KANK1: variants seen among roughly 807,000 people sequenced by gnomAD.
KANK1 encodes KN motif and ankyrin repeat domain-containing protein 1.
In KANK1, 109 loss-of-function variants were observed where a neutral mutation model predicts 106.2. The observed-to-expected ratio is 1.03, with a 90% CI of 0.88 to 1.20. The LOEUF is 1.20. Ranked by LOEUF, KANK1 falls within the 50% of genes most tolerant of loss-of-function variation. KANK1 has a pLI of 0.00. For synonymous variants in KANK1, 873 were observed against 652.2 expected (o/e 1.34, Z -5.16); for missense variants, 2,399 against 1,710.7 (o/e 1.40, Z -7.10).
At chr9:585,008 C>T (rs1253217880) in intron 1 of KANK1, among the ~76,000 whole-genome samples, 1 of 152,084 alleles carries the variant, frequency 6.6e-6, no homozygotes, top group Non-Finnish European at 1.5e-5. Context: ...TGACCCCCTT[C>T]CTTATTGTTA....
chr9:695,612 G>A (rs538985568), intron 2 of KANK1, among the ~76,000 whole-genome samples: 8 of 149,036 alleles, frequency 5.4e-5, no homozygotes, highest in African/African-American at 1.7e-4. Flanking sequence ...ACTTCGTGGG[G>A]GGGGGGGCAA....
chr9:507,468 C>T (rs1341034570), intron 1 of KANK1, among the ~76,000 whole-genome samples: 1 of 152,120 alleles, frequency 6.6e-6, no homozygotes, highest in Non-Finnish European at 1.5e-5. Context: ...CAGCTCACTG[C>T]AACCTCCGCC....
chr9:647,900 G>A (rs1035046971), intron 1 of KANK1, among the ~76,000 whole-genome samples: 8 of 150,330 alleles, frequency 5.3e-5, no homozygotes, highest in African/African-American at 2.0e-4. Context: ...AACACTAAAG[G>A]ACCCGGTTGA....
intron 1 of KANK1, among the ~76,000 whole-genome samples, chr9:509,987 T>C (rs981857446): frequency 5.3e-5 from 8 of 151,562 alleles, no homozygotes; most frequent in Non-Finnish European, 1.0e-4. Context: ...TTTTTTTTTT[T>C]TAGTTGTAGA....
intron 5 of KANK1, chr9:731,532 G>C (rs140847052): frequency 5.7e-5 from 16 of 278,542 alleles, no homozygotes; most frequent in African/African-American, 3.6e-4. Context: ...AGTCTTCAGC[G>C]AACGCAGCAG....
At chr9:488,077 T>C (rs749554683) in intron 3 of KANK1, among the ~76,000 whole-genome samples, 12 of 152,232 alleles carry the variant, frequency 7.9e-5, no homozygotes, top group Non-Finnish European at 1.5e-4. Context: ...TTGGTCCATA[T>C]TCATTCTATG....
chr9:701,765 G>T (rs552956284), intron 2 of KANK1, among the ~76,000 whole-genome samples: 2 of 152,268 alleles, frequency 1.3e-5, no homozygotes, highest in East Asian at 3.9e-4. Context: ...AGTTTCCTGC[G>T]ATCTAATCTT....
rs1451739634 is a variant in KANK1, at chr9:712,363, C to T, written c.1597C>T (p.Leu533=). 1.2e-6 allele frequency: 2 copies of T among 1,614,036 alleles called. No individual in the cohort carries two copies. Among genetic ancestry groups the T allele is most frequent in the Admixed American group, 3.3e-5 (2 of 60,002 alleles). The change falls in exon 3 of 12, where the codon CTG becomes TTG. Residue 533 remains leucine, a synonymous_variant. Coordinates refer to ENST00000382297, the MANE Select transcript of KANK1 (RefSeq NM_015158.5). Reference sequence around the variant, plus strand: ...CCAAATGGTCGGCAGTCACATGGACCTGGTGGACACGTGTGTTGGGACCTC... The same window carrying T: ...CCAAATGGTCGGCAGTCACATGGACTTGGTGGACACGTGTGTTGGGACCTC... ...RDQMVGSHMD[L]VDTCVGTSVE... is the part of the protein sequence containing the mutation.
At chr9:718,213 T>C (rs1366287352) in intron 3 of KANK1, among the ~76,000 whole-genome samples, 2 of 149,784 alleles carry the variant, frequency 1.3e-5, no homozygotes, top group African/African-American at 4.9e-5. Context: ...ACCCTGCAGA[T>C]ATAAAAATAT....
Position 642,188 on chromosome 9 carries a change from C to G in KANK1, c.-83-34702C>G, listed in dbSNP as rs544714876. Among the ~76,000 whole-genome samples, 38 of 151,550 alleles carry G rather than the reference C, an allele frequency of 2.5e-4. 3 individuals carry two copies. The highest frequency in any genetic ancestry group is 8.8e-4 in the African/African-American group (36 of 40,830). On this transcript the variant is annotated intron_variant, in intron 1 of 11. Transcript: ENST00000382297. ...CGGCAGATGCTGGGCTTTTTAACCT[C>G]TTTCCTCATTGTGCTTCCTGACTTG...
At chr9:580,246 G>A (rs535036024) in intron 1 of KANK1, among the ~76,000 whole-genome samples, 6 of 152,160 alleles carry the variant, frequency 3.9e-5, no homozygotes, top group Admixed American at 6.5e-5. Context: ...CGGTGGGTTC[G>A]TGGTCTCGCT....
chr9:739,316 G>A (rs908535549), intron 8 of KANK1, among the ~76,000 whole-genome samples: 1 of 152,168 alleles, frequency 6.6e-6, no homozygotes, highest in African/African-American at 2.4e-5. Flanking sequence ...TGATTAATGA[G>A]GATGTAGTGT....
At chr9:540,695 A>G (rs1028529178) in intron 1 of KANK1, 2 of 152,168 alleles carry the variant, frequency 1.3e-5, no homozygotes, top group African/African-American at 4.8e-5. Flanking sequence ...CAATCTCCTT[A>G]CTTACTATTG....
At chr9:529,791 T>C (rs984143397) in intron 1 of KANK1, among the ~76,000 whole-genome samples, 2 of 152,234 alleles carry the variant, frequency 1.3e-5, no homozygotes, top group East Asian at 3.8e-4. Flanking sequence ...TAGTGCCATG[T>C]GTGATGAATA....
At position 471,865 on chromosome 9, in the gene KANK1, G is replaced by A. The variant is rs535714471; in HGVS notation, c.-442+1183G>A. Among the ~76,000 whole-genome samples the A allele has an allele frequency of 2.8e-4, 42 of 152,260 alleles. 1 individual carries two copies. Among genetic ancestry groups the A allele is most frequent in the Admixed American group, 4.6e-4 (7 of 15,300 alleles). On this transcript the variant is annotated intron_variant, in intron 2 of 15. Coordinates refer to the KANK1 transcript ENST00000382303. ...GTTAAGCGTTCTCCTGTACTGCCAT[G>A]GTAGGTGGGTGTTGCTAGCCACATG...
At chr9:705,694 G>A (rs1158540035) in intron 2 of KANK1, among the ~76,000 whole-genome samples, 2 of 151,602 alleles carry the variant, frequency 1.3e-5, no homozygotes, top group East Asian at 3.9e-4. Flanking sequence ...CACCTCCCAG[G>A]TTCAAGCGAT....
intron 3 of KANK1, among the ~76,000 whole-genome samples, chr9:727,223 A>C (rs1830920472): frequency 6.6e-6 from 1 of 152,196 alleles, no homozygotes; most frequent in Admixed American, 6.5e-5. Flanking sequence ...TTAGGATAAA[A>C]CTTTTAGACA....
At chr9:684,129 T>C in intron 2 of KANK1, 2 of 980,330 alleles carry the variant, frequency 2.0e-6, no homozygotes, top group Non-Finnish European at 2.4e-6. Context: ...CATAAACTCT[T>C]AAGGCTTTGT....
chr9:690,446 C>T (rs1257943747), intron 2 of KANK1, among the ~76,000 whole-genome samples: 1 of 152,026 alleles, frequency 6.6e-6, no homozygotes, highest in Non-Finnish European at 1.5e-5. Context: ...ACATAAGCTT[C>T]ATCTGTAAAA....
Sources: gnomAD v4.1 joint callset for allele counts (sites outside exome capture counted in the v4.1 genomes callset) on GRCh38, gnomAD v4.1.1 for gene constraint, MANE v1.5 for transcripts, NCBI Gene and HGNC (gene_info 2026-07-23, HGNC 2026-07-21) for gene names.